The following DNAH17 variants were observed in gnomAD, a reference collection of about 807,000 sequenced individuals.
DNAH17 encodes dynein axonemal heavy chain 17.
Under a neutral mutation model 485.6 loss-of-function variants are expected in DNAH17, and 376 were observed. That is an observed-to-expected ratio of 0.77 (90% CI 0.71 to 0.84). DNAH17 has a LOEUF of 0.84. Among genes scored for constraint, DNAH17 ranks in the 40% least tolerant of loss-of-function variants. DNAH17 has a pLI of 0.00. For synonymous variants in DNAH17, 3,031 were observed against 2,405.9 expected (o/e 1.26, Z -7.60); for missense variants, 6,370 against 5,839.3 (o/e 1.09, Z -2.96).
chr17:78,431,028 A>G (rs1007249457), intron 75 of DNAH17, among the ~76,000 whole-genome samples: 49 of 145,574 alleles, frequency 3.4e-4, no homozygotes, highest in African/African-American at 1.2e-3. Flanking sequence ...CTACAGTCAC[A>G]CCACCATGCC....
Position 78,429,241 on chromosome 17 carries a change from T to TA in DNAH17, c.12284_12285insT (p.Asp4096ArgfsTer2), listed in dbSNP as rs750698383. 1.9e-6 allele frequency: 3 copies of TA among 1,613,848 alleles called. No individual in the cohort carries two copies. In the African/African-American group the frequency reaches 4.0e-5, roughly 22 times the overall value. On this transcript the variant is annotated frameshift_variant, in exon 76 of 81. Coordinates refer to ENST00000389840, the MANE Select transcript of DNAH17 (RefSeq NM_173628.4). LOFTEE classifies it high-confidence loss of function. The stretch of plus-strand genomic sequence containing the variant: ...TGCACAGCCGACGGTCCCAGTCATC[T>TA]GTGATGTGGCCGCCATACATGATTT...
chr17:78,450,771 A>G lies in DNAH17; in HGVS notation c.10810T>C (p.Ser3604Pro). The G allele has an allele frequency of 6.2e-7, 1 of 1,614,054 alleles. No individual in the cohort carries two copies. The highest frequency in any genetic ancestry group is 8.5e-7 in the Non-Finnish European group (1 of 1,179,904). ...ELEDSLLARLSAASGNFLGDT... is the reference protein window; with the variant it reads ...ELEDSLLARLPAASGNFLGDT... Reference sequence around the variant, plus strand: ...CCCAGAAAGTTCCCCGACGCAGCCGACAGACGGGCCAGGAGCGAATCTTCC... The same window carrying G: ...CCCAGAAAGTTCCCCGACGCAGCCGGCAGACGGGCCAGGAGCGAATCTTCC... Residue 3604 changes from serine (S) to proline (P), a missense_variant, in exon 67 of 81, where the codon TCG (serine) becomes CCG (proline). Coordinates refer to ENST00000389840, the MANE Select transcript of DNAH17 (RefSeq NM_173628.4).
chr17:78,459,245 G>C, intron 60 of DNAH17, 37 bp from the exon 61 acceptor site: 1 of 1,594,656 alleles, frequency 6.3e-7, no homozygotes, highest in Non-Finnish European at 8.6e-7. Context: ...TCGTCACCCT[G>C]TCCTGCTCTG....
chr17:78,495,153 C>G, intron 38 of DNAH17, 56 bp from the exon 39 acceptor site: 1 of 1,511,640 alleles, frequency 6.6e-7, no homozygotes, highest in Non-Finnish European at 8.9e-7. Flanking sequence ...CAACCTACAC[C>G]CCTGCCTGTC....
chr17:78,459,289 C>G, intron 60 of DNAH17, 81 bp from the exon 61 acceptor site: 1 of 1,375,880 alleles, frequency 7.3e-7, no homozygotes, highest in South Asian at 1.2e-5. Context: ...AGTGTCTTGC[C>G]CAGGGTGGCA....
Position 78,543,917 on chromosome 17 carries a change from G to A in DNAH17, c.2472C>T (p.Asn824=), listed in dbSNP as rs748540882. Reference sequence around the variant, plus strand: ...TGACTGCTGCGTAGCGCTTGTTGAGGTTGGCAATTCTTCCATCCAAGTCTA... The same window carrying A: ...TGACTGCTGCGTAGCGCTTGTTGAGATTGGCAATTCTTCCATCCAAGTCTA... ...ALLDLDGRIA[N]LNKRYAAVRD... The change falls in exon 17 of 81, where the codon AAC becomes AAT. Residue 824 remains asparagine, a synonymous_variant. Coordinates refer to ENST00000389840, the MANE Select transcript of DNAH17 (RefSeq NM_173628.4). 9 of 1,614,050 alleles carry A rather than the reference G, an allele frequency of 5.6e-6. No individual in the cohort carries two copies. The highest frequency in any genetic ancestry group is 4.5e-5 in the East Asian group (2 of 44,892).
chr17:78,535,439 T>A (rs866528974), intron 19 of DNAH17, among the ~76,000 whole-genome samples: 7 of 152,174 alleles, frequency 4.6e-5, no homozygotes, highest in Non-Finnish European at 1.0e-4. Context: ...TCATTAGCTG[T>A]TCCCTCGTGT....
chr17:78,434,328 G>A (rs2086790886), intron 74 of DNAH17, 108 bp from the exon 75 acceptor site: 4 of 1,000,862 alleles, frequency 4.0e-6, no homozygotes, highest in Non-Finnish European at 5.8e-6. Context: ...TTGCTAGGGT[G>A]GGGGCGGTGG....
At position 78,514,791 on chromosome 17, in the gene DNAH17, G is replaced by T; in HGVS notation, c.4096C>A (p.Leu1366Ile). 6.2e-7 allele frequency: 1 copy of T among 1,613,946 alleles called. No homozygotes were observed. Among genetic ancestry groups the T allele is most frequent in the Non-Finnish European group, 8.5e-7 (1 of 1,179,880 alleles). Residue 1366 changes from leucine to isoleucine, a missense_variant, in exon 26 of 81, where the codon CTC becomes ATC. Physicochemically the swap from Leu to Ile is conservative, Grantham distance 5. Transcript: ENST00000389840. ...CATGGTACCTGGGTGGCCTGCATGA[G>T]CTGCTGCCAGTGGCGTTCCCGAATG... The part of the protein sequence containing the change: ...PAIRERHWQQ[L>I]MQATQVKFKM...
Position 78,502,696 on chromosome 17 carries a change from C to T in DNAH17, c.5085G>A (p.Val1695=), listed in dbSNP as rs768368946. The T allele has an allele frequency of 1.9e-6, 3 of 1,611,462 alleles. No homozygotes were observed. In the South Asian group the frequency reaches 3.3e-5, roughly 18 times the overall value. Residue 1695 remains valine (V), a splice_region_variant and synonymous_variant, in exon 33 of 81, where the codon GTG becomes GTA. Transcript: ENST00000389840. ...EQWILDYPAQ[V]ALTCTQIWWT... ...ACCAGATCTGGGTGCAAGTCAGGGC[C>T]ACCTGAAAGTACATACCCCCCATTG... is the stretch of plus-strand genomic sequence containing the variant.
chr17:78,543,287 GT>G (rs56885468), intron 17 of DNAH17, among the ~76,000 whole-genome samples: 89,970 of 139,112 alleles, frequency 0.65, 28,692 homozygotes, highest in African/African-American at 0.69. Flanking sequence ...GTTAATTTTT[GT>G]TTTTTTTTTT....
At chr17:78,433,793 G>T (rs544184783) in intron 75 of DNAH17, among the ~76,000 whole-genome samples, 1 of 152,130 alleles carries the variant, frequency 6.6e-6, no homozygotes. Flanking sequence ...GGGGGCAAAG[G>T]ACTGGACCAT....
At chr17:78,479,675 G>C (rs766078882) in intron 49 of DNAH17, 43 bp from the exon 50 acceptor site, 3 of 1,606,556 alleles carry the variant, frequency 1.9e-6, no homozygotes, top group African/African-American at 1.3e-5. Context: ...CAGCTCTTGG[G>C]GACCTGCCTG....
In DNAH17 at chr17:78,460,044, G is replaced by A. The variant is rs374812658; in HGVS notation, c.9436-43C>T. 173 of 1,606,374 alleles carry A rather than the reference G, an allele frequency of 1.1e-4. No homozygotes were observed. The African/African-American group carries it at 2.1e-3, about 20-fold the overall frequency. On this transcript the variant is annotated intron_variant, in intron 59 of 80. Coordinates refer to ENST00000389840, the MANE Select transcript of DNAH17 (RefSeq NM_173628.4). ...GATGGGTCCGATGGGAGTTTGGACCGGGTCCTCGGTGATGCCCCGAAGAAG... is the reference window on the plus strand; with the variant it reads ...GATGGGTCCGATGGGAGTTTGGACCAGGTCCTCGGTGATGCCCCGAAGAAG...
At chr17:78,575,789 G>A (rs2092425658) in intron 1 of DNAH17, among the ~76,000 whole-genome samples, 1 of 152,168 alleles carries the variant, frequency 6.6e-6, no homozygotes, top group Admixed American at 6.5e-5. Context: ...GGCAAGTGAG[G>A]TACTTACAGA....
intron 25 of DNAH17, among the ~76,000 whole-genome samples, chr17:78,521,465 C>A (rs956855328): frequency 1.3e-5 from 2 of 152,034 alleles, no homozygotes; most frequent in Non-Finnish European, 2.9e-5. Context: ...CATGCTGGAG[C>A]AATTAGACAT....
In DNAH17 at chr17:78,486,377, C is replaced by T. The variant is rs2089610183; in HGVS notation, c.6948G>A (p.Val2316=). The T allele has an allele frequency of 6.2e-7, 1 of 1,613,786 alleles. No homozygotes were observed. The highest frequency in any genetic ancestry group is 1.3e-5 in the African/African-American group (1 of 74,932). ...LRFGFKKITP[V]PEITVIQTIL... is the part of the protein sequence containing the mutation. ...TCGTTTGGATCACCGTGATCTCCGG[C>T]ACTGGCGTGATCTTCTTGAACCCAA... Residue 2316 remains valine, a synonymous_variant, in exon 45 of 81, where the codon GTG becomes GTA. Transcript: ENST00000389840.
intron 44 of DNAH17, among the ~76,000 whole-genome samples, chr17:78,488,990 G>GGAGAGGAT: frequency 6.6e-6 from 1 of 152,250 alleles, no homozygotes; most frequent in East Asian, 1.9e-4. Flanking sequence ...TCCAGCACTG[G>GGAGAGGAT]GAGAGGATAA....
intron 12 of DNAH17, among the ~76,000 whole-genome samples, chr17:78,561,225 C>T (rs910596309): frequency 1.3e-5 from 2 of 152,102 alleles, no homozygotes; most frequent in Admixed American, 1.3e-4. Context: ...TCCAACTTTC[C>T]TTCTCCCTTC....
Sources: gnomAD v4.1 joint callset for allele counts (sites outside exome capture counted in the v4.1 genomes callset) on GRCh38, gnomAD v4.1.1 for gene constraint, MANE v1.5 for transcripts, NCBI Gene and HGNC (gene_info 2026-07-23, HGNC 2026-07-21) for gene names.